HSP90AA1: variants seen among roughly 807,000 people sequenced by gnomAD.
HSP90AA1 encodes heat shock protein 90 alpha family class A member 1.
Under a neutral mutation model 73.3 loss-of-function variants are expected in HSP90AA1, and 18 were observed. That is an observed-to-expected ratio of 0.25 (90% CI 0.17 to 0.36). HSP90AA1 has a LOEUF of 0.36. HSP90AA1 is among the 10% of genes least tolerant of loss of function. The pLI is 1.00. For missense variants in HSP90AA1, 704 were observed against 874.2 expected, an observed-to-expected ratio of 0.81 and a Z score of 2.45; for synonymous variants, 477 against 296.9, an observed-to-expected ratio of 1.61 and a Z score of -6.24.
chr14:102,097,058 G>C (rs1293895589), intron 2 of HSP90AA1, among the ~76,000 whole-genome samples: 1 of 152,034 alleles, frequency 6.6e-6, no homozygotes. Context: ...AGTGATCTCA[G>C]CTCACTGCAA....
intron 1 of HSP90AA1, among the ~76,000 whole-genome samples, chr14:102,129,598 G>T (rs994151902): frequency 3.3e-5 from 5 of 151,428 alleles, no homozygotes; most frequent in Non-Finnish European, 7.4e-5. Flanking sequence ...CGCCTCCCGG[G>T]TTCAAGCAAT....
intron 1 of HSP90AA1, among the ~76,000 whole-genome samples, chr14:102,113,320 GGCTT>G (rs780110612): frequency 2.7e-4 from 41 of 151,304 alleles, no homozygotes; most frequent in Non-Finnish European, 5.2e-4. Flanking sequence ...CACCGCGCCC[GGCTT>G]GCTTGCTTGC....
intron 2 of HSP90AA1, among the ~76,000 whole-genome samples, chr14:102,098,093 C>T (rs2049447357): frequency 6.6e-6 from 1 of 152,106 alleles, no homozygotes; most frequent in South Asian, 2.1e-4. Flanking sequence ...GTGTTGGCTT[C>T]TTTATTCCTC....
Position 102,123,536 on chromosome 14 carries a change from G to T in HSP90AA1, c.155+15714C>A, listed in dbSNP as rs201390468. ...TTCAAGTAGTTTCTAAAACCTTGTG[G>T]TTTTTTTTTTCTTTTTTTTTTAAGA... On this transcript the variant is annotated intron_variant, in intron 1 of 11. Transcript: ENST00000334701. Among the ~76,000 whole-genome samples, 513 of 148,414 alleles carry T rather than the reference G, an allele frequency of 3.5e-3. 4 individuals carry two copies. The highest frequency in any genetic ancestry group is 0.012 in the African/African-American group (483 of 40,496).
chr14:102,089,922 A>G (rs564872094), upstream of HSP90AA1, among the ~76,000 whole-genome samples: 84 of 152,292 alleles, frequency 5.5e-4, no homozygotes, highest in African/African-American at 1.9e-3. Context: ...CTCCCTGCAT[A>G]TGGTCTGGTC....
intron 1 of HSP90AA1, chr14:102,139,170 A>G (rs2152631148): frequency 6.6e-7 from 1 of 1,520,190 alleles, no homozygotes. Context: ...GAGAACACCT[A>G]TGCTGTACCA....
chr14:102,090,694 GCC>G (rs1376802801), upstream of HSP90AA1, among the ~76,000 whole-genome samples: 1 of 152,104 alleles, frequency 6.6e-6, no homozygotes, highest in African/African-American at 2.4e-5. Flanking sequence ...CTTGTGATCC[GCC>G]CGCCTTGGCC....
exon 1 of HSP90AA1, chr14:102,139,590 T>C (rs1257903021): frequency 1.4e-6 from 1 of 692,006 alleles, no homozygotes; most frequent in African/African-American, 1.8e-5. Flanking sequence ...TGACCGGCTT[T>C]CCGCTGGCCC....
chr14:102,121,041 A>G (rs2049772649), intron 1 of HSP90AA1, among the ~76,000 whole-genome samples: 1 of 151,380 alleles, frequency 6.6e-6, no homozygotes, highest in Admixed American at 6.6e-5. Context: ...ACACACACAC[A>G]CGTAAAGTTG....
chr14:102,103,936 G>A (rs913290897), intron 1 of HSP90AA1, among the ~76,000 whole-genome samples: 2 of 151,850 alleles, frequency 1.3e-5, no homozygotes, highest in African/African-American at 4.8e-5. Context: ...CATGGGAGGT[G>A]GAGGTTGCAG....
chr14:102,086,162 C>T, intron 2 of HSP90AA1, 38 bp from the exon 3 acceptor site: 1 of 1,613,892 alleles, frequency 6.2e-7, no homozygotes, highest in Non-Finnish European at 8.5e-7. Context: ...ATACAGCACC[C>T]CCAAGAAGTT....
rs4947 is a variant in HSP90AA1, at chr14:102,084,466, G to A, written c.1080C>T (p.Asn360=). The part of the protein sequence containing the change: ...DLFENRKKKN[N]IKLYVRRVFI... The stretch of plus-strand genomic sequence containing the variant: ...AAACTCTGCGTACATACAATTTGAT[G>A]TTGTTCTTTTTCTTTCTGTTTTCAA... The change falls in exon 6 of 11, where the codon AAC becomes AAT. Residue 360 remains asparagine, a synonymous_variant. Coordinates refer to ENST00000216281, the MANE Select transcript of HSP90AA1 (RefSeq NM_005348.4). 0.81 allele frequency: 1,312,084 copies of A among 1,612,972 alleles called. 543,485 individuals carry two copies. Among genetic ancestry groups the A allele is most frequent in the South Asian group, 0.85 (76,950 of 91,060 alleles).
At chr14:102,085,581 T>A (rs2049208916) in intron 3 of HSP90AA1, 150 bp from the exon 4 acceptor site, 2 of 1,217,592 alleles carry the variant, frequency 1.6e-6, no homozygotes, top group African/African-American at 1.5e-5. Flanking sequence ...GCAAGGTGCC[T>A]CGCCCAAAAG....
At chr14:102,106,625 C>A (rs1249323343) in intron 1 of HSP90AA1, among the ~76,000 whole-genome samples, 1 of 150,072 alleles carries the variant, frequency 6.7e-6, no homozygotes, top group Non-Finnish European at 1.5e-5. Context: ...CTCACTGCAA[C>A]CTCCGCCTCC....
chr14:102,102,063 G>C, exon 2 of HSP90AA1: 1 of 1,613,982 alleles, frequency 6.2e-7, no homozygotes. Context: ...GCCTTTTCTT[G>C]GTACCAGTTA....
At position 102,083,307 on chromosome 14, in the gene HSP90AA1, G is replaced by T. The variant is rs778058678; in HGVS notation, c.1487-5C>A. 2.0e-5 allele frequency: 33 copies of T among 1,613,874 alleles called. No homozygotes were observed. In the East Asian group the frequency reaches 7.4e-4, roughly 36 times the overall value. On this transcript the variant is annotated splice_polypyrimidine_tract_variant and splice_region_variant and intron_variant, in intron 8 of 10. Transcript: ENST00000216281. The stretch of plus-strand genomic sequence containing the variant: ...CTACCTGGTCCTTGGTCTCACCTGA[G>T]GTATTACAAAGTTACTTTTAGACCT...
intron 1 of HSP90AA1, among the ~76,000 whole-genome samples, chr14:102,122,730 C>T (rs1014127700): frequency 6.6e-6 from 1 of 151,614 alleles, no homozygotes; most frequent in African/African-American, 2.4e-5. Context: ...CGCAAGGGTT[C>T]GATCTCAGCT....
At chr14:102,096,638 C>T (rs546159343) in intron 2 of HSP90AA1, among the ~76,000 whole-genome samples, 1 of 152,350 alleles carries the variant, frequency 6.6e-6, no homozygotes, top group South Asian at 2.1e-4. Flanking sequence ...CTCTGTCTTT[C>T]TCGTCTCAAG....
chr14:102,113,068 G>T (rs1257697366), intron 1 of HSP90AA1, among the ~76,000 whole-genome samples: 1 of 152,060 alleles, frequency 6.6e-6, no homozygotes, highest in Non-Finnish European at 1.5e-5. Flanking sequence ...CTGTTGCCCA[G>T]GCTGGAGTGC....
Sources: gnomAD v4.1 joint callset for allele counts (sites outside exome capture counted in the v4.1 genomes callset) on GRCh38, gnomAD v4.1.1 for gene constraint, MANE v1.5 for transcripts, NCBI Gene and HGNC (gene_info 2026-07-23, HGNC 2026-07-21) for gene names.